The following NRXN3 variants were observed in gnomAD, a reference collection of about 807,000 sequenced individuals.
NRXN3 encodes the protein neurexin 3, also known as neurexin III.
A neutral mutation model predicts 137.6 loss-of-function variants in NRXN3; 32 were observed. The ratio of observed to expected loss-of-function variants is 0.23; its 90% CI spans 0.18 to 0.31. The LOEUF (loss-of-function observed/expected upper bound fraction) is 0.31, where lower values mean the gene tolerates loss of function less well. NRXN3 is among the 10% of genes least tolerant of loss of function. NRXN3 has a pLI of 1.00. For missense variants in NRXN3, 1,574 were observed against 2,062.5 expected (o/e 0.76, Z 4.59); for synonymous variants, 798 against 784.5 (o/e 1.02, Z -0.29).
At chr14:79,800,648 A>C (rs1352726251) in intron 19 of NRXN3, among the ~76,000 whole-genome samples, 1 of 152,218 alleles carries the variant, frequency 6.6e-6, no homozygotes, top group African/African-American at 2.4e-5. Context: ...TATCTGCAAC[A>C]TGAAACCTGT....
chr14:78,461,242 A>G (rs1320764985), intron 4 of NRXN3, among the ~76,000 whole-genome samples: 1 of 152,236 alleles, frequency 6.6e-6, no homozygotes, highest in Non-Finnish European at 1.5e-5. Flanking sequence ...CTAAGTGCTC[A>G]GTGAAAAAAG....
intron 15 of NRXN3, among the ~76,000 whole-genome samples, chr14:79,338,246 T>TGA (rs2153353694): frequency 6.6e-6 from 1 of 150,884 alleles, no homozygotes; most frequent in African/African-American, 2.5e-5. Flanking sequence ...TGTGTGTGTG[T>TGA]GTGTGAAGGA....
chr14:79,449,990 C>CAAAAA (rs66658022), intron 15 of NRXN3, among the ~76,000 whole-genome samples: 3 of 40,772 alleles, frequency 7.4e-5, no homozygotes, highest in African/African-American at 1.8e-4. Context: ...AACTCCATCT[C>CAAAAA]AAAAAAAAAA....
chr14:79,397,593 A>G (rs2095062936), intron 15 of NRXN3, among the ~76,000 whole-genome samples: 1 of 152,206 alleles, frequency 6.6e-6, no homozygotes, highest in East Asian at 1.9e-4. Context: ...AAAAATCTTA[A>G]GATGCTTTTG....
intron 15 of NRXN3, among the ~76,000 whole-genome samples, chr14:79,300,389 C>T (rs1479055624): frequency 6.6e-6 from 1 of 152,054 alleles, no homozygotes; most frequent in Non-Finnish European, 1.5e-5. Context: ...TTCTGTGGGT[C>T]AGCAGTTTAG....
At chr14:79,108,757 T>G (rs1159282298) in intron 15 of NRXN3, among the ~76,000 whole-genome samples, 1 of 152,104 alleles carries the variant, frequency 6.6e-6, no homozygotes, top group African/African-American at 2.4e-5. Context: ...AAAAATAACT[T>G]GAAGGGAGAA....
intron 15 of NRXN3, among the ~76,000 whole-genome samples, chr14:79,400,758 C>T (rs547131384): frequency 3.2e-4 from 48 of 152,200 alleles, no homozygotes; most frequent in Admixed American, 1.6e-3. Flanking sequence ...AGCAGAGAAC[C>T]GCAGAAATTA....
chr14:79,788,548 A>C (rs2099136137), intron 19 of NRXN3, among the ~76,000 whole-genome samples: 1 of 152,208 alleles, frequency 6.6e-6, no homozygotes, highest in South Asian at 2.1e-4. Context: ...CATGAAGTAG[A>C]TGTCACTGAC....
At chr14:79,519,249 G>C (rs1433526548) in intron 16 of NRXN3, among the ~76,000 whole-genome samples, 1 of 151,914 alleles carries the variant, frequency 6.6e-6, no homozygotes, top group Admixed American at 6.6e-5. Flanking sequence ...TCATTTTTCT[G>C]TGCTTATTTT....
Position 78,243,960 on chromosome 14 carries a change from T to C in NRXN3, c.709+158T>C, listed in dbSNP as rs115009068. Among the ~76,000 whole-genome samples, 2,596 of 152,256 alleles carry C rather than the reference T, an allele frequency of 0.017. 47 individuals carry two copies. The highest frequency in any genetic ancestry group is 0.047 in the African/African-American group (1,933 of 41,524). On this transcript the variant is annotated intron_variant, in intron 2 of 20. Transcript: ENST00000335750. This position sits in a 1 kb window ranked among gnomAD's most constrained non-coding sequence, Gnocchi z 4.2. ...GAGGCAGTGGAAATCCTTTGCCTACTCTTAATGGAGAATCTGTCAGATCTC... is the reference window on the plus strand; with the variant it reads ...GAGGCAGTGGAAATCCTTTGCCTACCCTTAATGGAGAATCTGTCAGATCTC...
At chr14:78,933,247 T>A (rs75109481) in intron 10 of NRXN3, among the ~76,000 whole-genome samples, 4,808 of 152,294 alleles carry the variant, frequency 0.032, 249 homozygotes, top group African/African-American at 0.11. Flanking sequence ...CAGTACATAT[T>A]TGAATGGAAG....
At chr14:79,162,035 AG>A (rs1213468051) in intron 15 of NRXN3, among the ~76,000 whole-genome samples, 3 of 151,808 alleles carry the variant, frequency 2.0e-5, no homozygotes, top group African/African-American at 7.3e-5. Flanking sequence ...TAACTTTCAA[AG>A]GGGGGTTTGA....
At chr14:78,527,108 CAAT>C (rs1227198335) in intron 4 of NRXN3, among the ~76,000 whole-genome samples, 6 of 152,176 alleles carry the variant, frequency 3.9e-5, no homozygotes, top group Non-Finnish European at 8.8e-5. Flanking sequence ...CCAAGAATAT[CAAT>C]AAACTAAATT....
chr14:78,660,876 G>T (rs2097834396), intron 6 of NRXN3, among the ~76,000 whole-genome samples: 1 of 152,174 alleles, frequency 6.6e-6, no homozygotes, highest in Non-Finnish European at 1.5e-5. Context: ...CTAACAAAAA[G>T]ATAGGTCCTT....
intron 17 of NRXN3, among the ~76,000 whole-genome samples, chr14:79,685,033 G>A (rs1000065699): frequency 6.6e-6 from 1 of 152,060 alleles, no homozygotes; most frequent in Non-Finnish European, 1.5e-5. Context: ...TATGTCAAAC[G>A]GCTGAAGAGC....
intron 15 of NRXN3, among the ~76,000 whole-genome samples, chr14:79,059,247 ATTCTTTT>A (rs1568145451): frequency 4.2e-5 from 4 of 95,908 alleles, no homozygotes; most frequent in South Asian, 7.0e-4. Flanking sequence ...TTCAGGCCCT[ATTCTTTT>A]TTTTTTTTTT....
chr14:79,029,620 G>T (rs1420804909), intron 15 of NRXN3, among the ~76,000 whole-genome samples: 2 of 152,106 alleles, frequency 1.3e-5, no homozygotes, highest in African/African-American at 4.8e-5. Context: ...TGAGGGGATT[G>T]TACTATGCAT....
At chr14:79,251,512 A>C (rs1022109860) in intron 15 of NRXN3, among the ~76,000 whole-genome samples, 1 of 152,162 alleles carries the variant, frequency 6.6e-6, no homozygotes, top group African/African-American at 2.4e-5. Context: ...AAAAGTAATA[A>C]GGAAAATGAT....
chr14:79,258,407 G>A (rs112203896), intron 15 of NRXN3, among the ~76,000 whole-genome samples: 4,350 of 152,056 alleles, frequency 0.029, 227 homozygotes, highest in African/African-American at 0.098. Flanking sequence ...GTTTTACCAT[G>A]TTTTCCAGGC....
Sources: gnomAD v4.1 joint callset for allele counts (sites outside exome capture counted in the v4.1 genomes callset) on GRCh38, gnomAD v4.1.1 for gene constraint, Gnocchi (gnomAD v3.1) non-coding constraint, MANE v1.5 for transcripts, NCBI Gene and HGNC (gene_info 2026-07-23, HGNC 2026-07-21) for gene names.